KPNA5: variants seen among roughly 807,000 people sequenced by gnomAD.
KPNA5 encodes karyopherin subunit alpha 5, also known as importin subunit alpha-6.
In KPNA5, 46 loss-of-function variants were observed where a neutral mutation model predicts 71.3. The ratio of observed to expected loss-of-function variants is 0.65; its 90% CI spans 0.51 to 0.83. The LOEUF is 0.83. Ranked by LOEUF, KPNA5 falls within the 40% of genes least tolerant of loss-of-function variation. The probability of loss-of-function intolerance (pLI) is 0.00; values close to 1 mark genes in which losing one functional copy is unlikely to be tolerated. For synonymous variants in KPNA5, 207 were observed against 201.4 expected, an observed-to-expected ratio of 1.03 and a Z score of -0.24; for missense variants, 547 against 628.3, an observed-to-expected ratio of 0.87 and a Z score of 1.38.
At chr6:116,705,298 G>A in intron 7 of KPNA5, 138 bp downstream of exon 7, 1 of 584,910 alleles carries the variant, frequency 1.7e-6, no homozygotes, top group Non-Finnish European at 2.9e-6. Context: ...ACAGCAGGTA[G>A]AACCAAGAGA....
rs780580796 is a variant in KPNA5, at chr6:116,726,628, A to T, written c.1253+6A>T. ...GGTACTCCAGAGCAAATAAGGTATGATATAAACTTCTTAATTGTTTTTTAC... is the reference window on the plus strand; with the variant it reads ...GGTACTCCAGAGCAAATAAGGTATGTTATAAACTTCTTAATTGTTTTTTAC... On this transcript the variant is annotated splice_donor_region_variant and intron_variant, in intron 12 of 13. Transcript: ENST00000368564. 6 of 1,565,032 alleles carry T rather than the reference A, an allele frequency of 3.8e-6. No homozygotes were observed. The highest frequency in any genetic ancestry group is 5.2e-6 in the Non-Finnish European group (6 of 1,163,060).
At position 116,681,251 on chromosome 6, in the gene KPNA5, G is replaced by C. The variant is rs1162634738; in HGVS notation, c.-84G>C. 6.3e-7 allele frequency: 1 copy of C among 1,579,230 alleles called. No individual in the cohort carries two copies. On this transcript the variant is annotated 5_prime_UTR_variant, in exon 1 of 14. Coordinates refer to ENST00000368564, the MANE Select transcript of KPNA5 (RefSeq NM_001366306.2). Reference sequence around the variant, plus strand: ...CTGGGTCGCTACGCTTCACGCCAGGGGCGGAGTGGCGGCCCTTCTGTTACC... The same window carrying C: ...CTGGGTCGCTACGCTTCACGCCAGGCGCGGAGTGGCGGCCCTTCTGTTACC...
At chr6:116,724,470 A>C in intron 10 of KPNA5, 95 bp downstream of exon 10, 1 of 770,604 alleles carries the variant, frequency 1.3e-6, no homozygotes, top group Non-Finnish European at 2.2e-6. Context: ...TCAAGATTTT[A>C]GCATCACCAT....
At chr6:116,694,175 C>T (rs1777925657) in intron 4 of KPNA5, among the ~76,000 whole-genome samples, 1 of 152,128 alleles carries the variant, frequency 6.6e-6, no homozygotes, top group Admixed American at 6.6e-5. Context: ...TAGCATGATG[C>T]CTCCAGTTTT....
At chr6:116,726,747 C>T in intron 12 of KPNA5, 125 bp downstream of exon 12, 1 of 871,338 alleles carries the variant, frequency 1.1e-6, no homozygotes, top group Non-Finnish European at 1.7e-6. Flanking sequence ...TATGAAATGA[C>T]AGCATGTATT....
chr6:116,708,941 A>G (rs1778548128), intron 7 of KPNA5, among the ~76,000 whole-genome samples: 1 of 152,008 alleles, frequency 6.6e-6, no homozygotes, highest in Admixed American at 6.5e-5. Context: ...GTGTACAACC[A>G]TACCTGGCTA....
intron 7 of KPNA5, among the ~76,000 whole-genome samples, chr6:116,714,585 A>G (rs1185129235): frequency 6.6e-6 from 1 of 152,154 alleles, no homozygotes; most frequent in Non-Finnish European, 1.5e-5. Context: ...ACTGTCTGAT[A>G]CATGTGGGAG....
intron 7 of KPNA5, 126 bp from the exon 8 acceptor site, chr6:116,716,093 T>C (rs544510083): frequency 1.5e-6 from 1 of 668,178 alleles, no homozygotes; most frequent in East Asian, 2.8e-5. Flanking sequence ...AATTTTAGAT[T>C]CTTTTTTCCT....
Position 116,739,485 on chromosome 6 carries a change from T to C in KPNA5, c.*7162T>C, listed in dbSNP as rs1779791202. On this transcript the variant is annotated 3_prime_UTR_variant, in exon 14 of 14. Transcript: ENST00000368564. Reference sequence around the variant, plus strand: ...GCTACCAATGCCTTTCTTCACAGAATTGCAAAAAACTACTTTAAAGTTCAT... The same window carrying C: ...GCTACCAATGCCTTTCTTCACAGAACTGCAAAAAACTACTTTAAAGTTCAT... 6.6e-6 allele frequency: 1 copy of C among 152,106 alleles called. No homozygotes were observed. Among genetic ancestry groups the C allele is most frequent in the Non-Finnish European group, 1.5e-5 (1 of 68,016 alleles). 9.4% of individuals were successfully genotyped at this position (152,106 alleles called of 1,614,324 possible).
chr6:116,707,229 G>A (rs1778478476), intron 7 of KPNA5, among the ~76,000 whole-genome samples: 1 of 151,868 alleles, frequency 6.6e-6, no homozygotes, highest in African/African-American at 2.4e-5. Flanking sequence ...TAATGCTTAA[G>A]TAAATGTAAA....
Position 116,735,339 on chromosome 6 carries a change from C to T in KPNA5, c.*3016C>T, listed in dbSNP as rs200521045. On this transcript the variant is annotated 3_prime_UTR_variant, in exon 14 of 14. Coordinates refer to ENST00000368564, the MANE Select transcript of KPNA5 (RefSeq NM_001366306.2). ...CATTATGGAAAAATAAATATAAAGT[C>T]TTAGTGAATTTTTGTTATGGTTCTC... 2.2e-4 allele frequency: 33 copies of T among 151,680 alleles called. No individual in the cohort carries two copies. In the East Asian group the frequency reaches 6.2e-3, roughly 28 times the overall value. 9.4% of individuals were successfully genotyped at this position (151,680 alleles called of 1,614,324 possible).
chr6:116,690,082 C>CTTCTATTGTATTCTA (rs144872764), intron 2 of KPNA5, among the ~76,000 whole-genome samples: 38,858 of 151,112 alleles, frequency 0.26, 5,433 homozygotes, highest in African/African-American at 0.36. Flanking sequence ...GGCCTATTCT[C>CTTCTATTGTATTCTA]TTCTATTGTA....
chr6:116,718,904 A>G (rs1328470357), intron 8 of KPNA5, among the ~76,000 whole-genome samples: 1 of 151,938 alleles, frequency 6.6e-6, no homozygotes, highest in African/African-American at 2.4e-5. Flanking sequence ...AGTAGCTGGG[A>G]TTACAGACAC....
chr6:116,698,717 A>C lies in KPNA5; in HGVS notation c.354A>C (p.Pro118=), dbSNP rs138320542. Residue 118 remains proline (P), a synonymous_variant, in exon 5 of 14, where the codon CCA becomes CCC. Transcript: ENST00000368564. The part of the protein sequence containing the change: ...RKLLSKEPNP[P]IDQVIQKPGV... ...TTAAATTTTTAGAACCTAATCCACC[A>C]ATAGATCAAGTTATACAGAAACCAG... 8 of 1,583,884 alleles carry C rather than the reference A, an allele frequency of 5.1e-6. No individual in the cohort carries two copies. The East Asian group carries it at 1.8e-4, about 36-fold the overall frequency.
chr6:116,731,887 C>T (rs994172702), intron 13 of KPNA5, among the ~76,000 whole-genome samples: 7 of 151,454 alleles, frequency 4.6e-5, no homozygotes, highest in Non-Finnish European at 4.4e-5. Context: ...GATCTTACTC[C>T]CAGGCCTATG....
intron 9 of KPNA5, among the ~76,000 whole-genome samples, chr6:116,723,975 AT>A (rs1779207535): frequency 6.6e-6 from 1 of 152,172 alleles, no homozygotes; most frequent in African/African-American, 2.4e-5. Flanking sequence ...CACTTACGAT[AT>A]CCCCCAGCCA....
At chr6:116,695,210 T>A (rs1038679652) in intron 4 of KPNA5, among the ~76,000 whole-genome samples, 1 of 152,156 alleles carries the variant, frequency 6.6e-6, no homozygotes, top group African/African-American at 2.4e-5. Context: ...ATTACAGGTG[T>A]GAGCCACCAT....
chr6:116,713,364 C>T (rs1778773843), intron 7 of KPNA5, among the ~76,000 whole-genome samples: 1 of 152,172 alleles, frequency 6.6e-6, no homozygotes, highest in Admixed American at 6.5e-5. Context: ...TTGAGAGCAG[C>T]ACTTTAAATA....
chr6:116,706,427 C>T (rs1212168130), intron 7 of KPNA5, among the ~76,000 whole-genome samples: 5 of 152,236 alleles, frequency 3.3e-5, no homozygotes, highest in African/African-American at 7.2e-5. Context: ...TGGTGGCTCA[C>T]GCCTGTAATC....
Sources: allele counts gnomAD v4.1 joint callset (sites outside exome capture counted in the v4.1 genomes callset), GRCh38; gene constraint gnomAD v4.1.1; transcripts MANE v1.5; gene names NCBI Gene and HGNC (gene_info 2026-07-23, HGNC 2026-07-21).